RNF13: variants seen among roughly 807,000 people sequenced by gnomAD.
RNF13 encodes the protein ring finger protein 13.
Under a neutral mutation model 37.7 loss-of-function variants are expected in RNF13, and 19 were observed. That is an observed-to-expected ratio of 0.50 (90% CI 0.35 to 0.74). The LOEUF (loss-of-function observed/expected upper bound fraction) is 0.74, where lower values mean the gene tolerates loss of function less well. Ranked by LOEUF, RNF13 falls within the 30% of genes least tolerant of loss-of-function variation. RNF13 has a pLI of 0.01. For missense variants in RNF13, 375 were observed against 453.0 expected (o/e 0.83, Z 1.56); for synonymous variants, 144 against 157.8 (o/e 0.91, Z 0.65).
chr3:149,847,034 AGAT>A, intron 2 of RNF13, among the ~76,000 whole-genome samples: 1 of 152,292 alleles, frequency 6.6e-6, no homozygotes, highest in South Asian at 2.1e-4. Context: ...CTCCAGCTTA[AGAT>A]AAGGCTTGAC....
chr3:149,819,568 C>T (rs149683298), intron 1 of RNF13, among the ~76,000 whole-genome samples: 1 of 152,278 alleles, frequency 6.6e-6, no homozygotes, highest in East Asian at 1.9e-4. Context: ...ATGGGAGTGA[C>T]AGACCATTTA....
intron 5 of RNF13, 118 bp from the exon 6 acceptor site, chr3:149,901,954 A>G: frequency 2.1e-6 from 1 of 466,384 alleles, no homozygotes; most frequent in South Asian, 4.8e-5. Context: ...AAATCAAGCA[A>G]TAGACAATTA....
At chr3:149,841,224 A>G (rs1376294782) in intron 1 of RNF13, among the ~76,000 whole-genome samples, 1 of 152,214 alleles carries the variant, frequency 6.6e-6, no homozygotes, top group Non-Finnish European at 1.5e-5. Flanking sequence ...GTGCTAGAAG[A>G]TGATATCAGA....
chr3:149,938,855 A>C (rs950559269), intron 8 of RNF13: 11 of 290,132 alleles, frequency 3.8e-5, no homozygotes, highest in Non-Finnish European at 7.3e-5. Context: ...CATTCTTGGC[A>C]ATAGAGCCTG....
intron 1 of RNF13, among the ~76,000 whole-genome samples, chr3:149,840,496 AT>A (rs891900362): frequency 3.3e-5 from 5 of 152,094 alleles, no homozygotes; most frequent in Non-Finnish European, 5.9e-5. Context: ...ATTTTACTAG[AT>A]TTTTTTCTAT....
chr3:149,856,234 T>C (rs2108401019), intron 3 of RNF13, among the ~76,000 whole-genome samples: 1 of 152,076 alleles, frequency 6.6e-6, no homozygotes, highest in Admixed American at 6.5e-5. Flanking sequence ...GTAGCTTTTA[T>C]AGTTGCGTGA....
intron 7 of RNF13, among the ~76,000 whole-genome samples, chr3:149,919,926 T>C (rs1462645542): frequency 6.6e-6 from 1 of 152,232 alleles, no homozygotes; most frequent in African/African-American, 2.4e-5. Flanking sequence ...GTGTTTTACA[T>C]TTTAGTCACC....
chr3:149,845,155 A>G (rs1188164406), intron 1 of RNF13, among the ~76,000 whole-genome samples: 1 of 152,204 alleles, frequency 6.6e-6, no homozygotes, highest in African/African-American at 2.4e-5. Context: ...TTGAGTCTAT[A>G]TGGCAGCTTC....
chr3:149,835,804 G>T (rs1228356465), intron 1 of RNF13, among the ~76,000 whole-genome samples: 1 of 151,774 alleles, frequency 6.6e-6, no homozygotes, highest in Non-Finnish European at 1.5e-5. Flanking sequence ...TTTTTTTTAT[G>T]ACTTTTCTCC....
chr3:149,928,800 A>G (rs914990099), intron 8 of RNF13, among the ~76,000 whole-genome samples: 1 of 152,178 alleles, frequency 6.6e-6, no homozygotes, highest in African/African-American at 2.4e-5. Context: ...AAGTCTTCCA[A>G]TCCATGAATA....
At chr3:149,901,364 A>T (rs570653267) in intron 5 of RNF13, among the ~76,000 whole-genome samples, 1 of 152,306 alleles carries the variant, frequency 6.6e-6, no homozygotes, top group African/African-American at 2.4e-5. Flanking sequence ...TATTAGCAAC[A>T]TTAAGAGGAT....
intron 8 of RNF13, among the ~76,000 whole-genome samples, chr3:149,958,752 G>A (rs1420425877): frequency 6.6e-6 from 1 of 152,124 alleles, no homozygotes; most frequent in African/African-American, 2.4e-5. Context: ...TATATCAGAG[G>A]TCCTTTAGTC....
At chr3:149,956,246 G>C (rs1483840240) in intron 8 of RNF13, among the ~76,000 whole-genome samples, 2 of 152,276 alleles carry the variant, frequency 1.3e-5, no homozygotes, top group East Asian at 1.9e-4. Flanking sequence ...GGACTAGATG[G>C]GAGACCAGAG....
At chr3:149,864,394 G>T (rs557466682) in intron 3 of RNF13, among the ~76,000 whole-genome samples, 2 of 152,046 alleles carry the variant, frequency 1.3e-5, no homozygotes, top group South Asian at 4.1e-4. Context: ...GTGTGTATGT[G>T]TGCTTTCTTG....
chr3:149,945,552 C>T (rs1301659505), intron 8 of RNF13, among the ~76,000 whole-genome samples: 1 of 152,212 alleles, frequency 6.6e-6, no homozygotes, highest in Non-Finnish European at 1.5e-5. Flanking sequence ...CCCTGTCTGA[C>T]AGCTTTGAAG....
rs1345039421 is a variant in RNF13 at position 149,822,935 on chromosome 3, G to GT, written c.-17+9588dup. The stretch of plus-strand genomic sequence containing the variant: ...ACCATTAATATACATTAGTTTTTCT[G>GT]TTTTTTCTTGAAGTTTCCAAATAGC... On this transcript the variant is annotated intron_variant, in intron 1 of 9. Transcript: ENST00000392894. Among the ~76,000 whole-genome samples, 5 of 152,012 alleles carry GT rather than the reference G, an allele frequency of 3.3e-5. No individual in the cohort carries two copies. In the East Asian group the frequency reaches 7.7e-4, roughly 23 times the overall value.
intron 5 of RNF13, among the ~76,000 whole-genome samples, chr3:149,901,767 T>C (rs564605056): frequency 1.3e-5 from 2 of 152,314 alleles, no homozygotes; most frequent in East Asian, 3.9e-4. Flanking sequence ...TCTTCTCTAA[T>C]AAGTTATGTC....
intron 1 of RNF13, among the ~76,000 whole-genome samples, chr3:149,819,490 T>G (rs951715828): frequency 3.3e-5 from 5 of 152,234 alleles, no homozygotes; most frequent in African/African-American, 1.2e-4. Flanking sequence ...GATATTGTGC[T>G]AGATGCTAGG....
chr3:149,954,793 T>G (rs1269251401), intron 8 of RNF13, among the ~76,000 whole-genome samples: 2 of 152,212 alleles, frequency 1.3e-5, no homozygotes, highest in Non-Finnish European at 2.9e-5. Flanking sequence ...TTTAGTTGTT[T>G]TCTTGCTTCT....
Sources: gnomAD v4.1 joint callset for allele counts (sites outside exome capture counted in the v4.1 genomes callset) on GRCh38, gnomAD v4.1.1 for gene constraint, MANE v1.5 for transcripts, NCBI Gene and HGNC (gene_info 2026-07-23, HGNC 2026-07-21) for gene names.